The following ADGRG6 variants were observed in gnomAD, a reference collection of about 807,000 sequenced individuals.
The protein encoded by ADGRG6 is adhesion G protein-coupled receptor G6, also known as G-protein coupled receptor 126.
ADGRG6 carries 84 observed loss-of-function variants against 142.4 expected under a neutral mutation model. That is an observed-to-expected ratio of 0.59 (90% confidence interval 0.49 to 0.71). The LOEUF is 0.71. ADGRG6 is among the 30% of genes least tolerant of loss of function. The probability of loss-of-function intolerance (pLI) is 0.00; values close to 1 mark genes in which losing one functional copy is unlikely to be tolerated. For synonymous variants in ADGRG6, 521 were observed against 520.5 expected (o/e 1.00, Z -0.01); for missense variants, 1,367 against 1,466.6 (o/e 0.93, Z 1.11).
chr6:142,372,907 A>G (rs1467006077), intron 4 of ADGRG6, among the ~76,000 whole-genome samples: 1 of 152,188 alleles, frequency 6.6e-6, no homozygotes, highest in African/African-American at 2.4e-5. Flanking sequence ...TTTTTATGGG[A>G]CAATGTTTTG....
rs1338876928 is a variant in ADGRG6 at position 142,309,625 on chromosome 6, C to A, written c.84C>A (p.Ile28=). The change falls in exon 2 of 25, where the codon ATC becomes ATA. Residue 28 remains isoleucine, a synonymous_variant. Coordinates refer to ENST00000367609, the MANE Select transcript of ADGRG6 (RefSeq NM_198569.3). ...TCCTGTTCTTATTTGCTTTATATAT[C>A]ATGTGTGTTCCTCACTCAGGTAAGA... is the stretch of plus-strand genomic sequence containing the variant. ...SPLLFLFALY[I]MCVPHSVWGC... 6.3e-7 allele frequency: 1 copy of A among 1,599,590 alleles called. No individual in the cohort carries two copies. The highest frequency in any genetic ancestry group is 1.1e-5 in the South Asian group (1 of 88,968).
chr6:142,310,214 G>A (rs766423124), intron 2 of ADGRG6, among the ~76,000 whole-genome samples: 6 of 151,700 alleles, frequency 4.0e-5, no homozygotes, highest in African/African-American at 4.8e-5. Context: ...TTTGAAATAA[G>A]ATCTTGGTGG....
chr6:142,315,838 A>C (rs1011952789), intron 2 of ADGRG6, among the ~76,000 whole-genome samples: 11 of 138,298 alleles, frequency 8.0e-5, no homozygotes. Context: ...TAAATAAATA[A>C]ATAAATAAAT....
chr6:142,302,303 A>T lies in ADGRG6; in HGVS notation c.-27A>T. On this transcript the variant is annotated 5_prime_UTR_variant, in exon 1 of 25. The change creates a new upstream start codon in the 5' untranslated region. Coordinates refer to ENST00000367609, the MANE Select transcript of ADGRG6 (RefSeq NM_198569.3). ...TGGTGGAGGATGATCTTGCGGCCAAAGGGGACCTCGGCGCAGTAATGTCAA... is the reference window on the plus strand; with the variant it reads ...TGGTGGAGGATGATCTTGCGGCCAATGGGGACCTCGGCGCAGTAATGTCAA... 2 of 1,612,150 alleles carry T rather than the reference A, an allele frequency of 1.2e-6. No individual in the cohort carries two copies. Among genetic ancestry groups the T allele is most frequent in the Non-Finnish European group, 1.7e-6 (2 of 1,179,004 alleles).
At chr6:142,397,908 A>G (rs535036104) in intron 10 of ADGRG6, among the ~76,000 whole-genome samples, 153 bp downstream of exon 10, 197 of 132,104 alleles carry the variant, frequency 1.5e-3, no homozygotes, top group African/African-American at 6.9e-3. Flanking sequence ...GACATAGCAG[A>G]AAAAAAAAAT....
At chr6:142,358,874 G>C (rs1216835994) in intron 2 of ADGRG6, among the ~76,000 whole-genome samples, 1 of 151,620 alleles carries the variant, frequency 6.6e-6, no homozygotes, top group Non-Finnish European at 1.5e-5. Context: ...TGCAAGCCTG[G>C]GCGACGGAGT....
At chr6:142,373,849 G>GT (rs1240253872) in intron 4 of ADGRG6, among the ~76,000 whole-genome samples, 5 of 126,010 alleles carry the variant, frequency 4.0e-5, no homozygotes, top group Non-Finnish European at 8.5e-5. Flanking sequence ...CAGCACACAT[G>GT]TTTTTTTAAT....
intron 2 of ADGRG6, among the ~76,000 whole-genome samples, chr6:142,366,626 A>T (rs568867037): frequency 5.3e-5 from 8 of 152,136 alleles, no homozygotes; most frequent in African/African-American, 1.7e-4. Flanking sequence ...GTGGTGGTGC[A>T]CACCTGTAAT....
chr6:142,331,141 A>G (rs1779037530), intron 2 of ADGRG6, among the ~76,000 whole-genome samples: 1 of 151,940 alleles, frequency 6.6e-6, no homozygotes, highest in African/African-American at 2.4e-5. Flanking sequence ...GAGTTAAAAA[A>G]AAAAAAAACT....
intron 2 of ADGRG6, among the ~76,000 whole-genome samples, chr6:142,352,627 A>G (rs532999838): frequency 6.6e-6 from 1 of 152,182 alleles, no homozygotes; most frequent in Non-Finnish European, 1.5e-5. Flanking sequence ...AGAAAAAATT[A>G]TCTTGTAATA....
At chr6:142,346,256 A>C (rs1026941042) in intron 2 of ADGRG6, among the ~76,000 whole-genome samples, 1 of 152,028 alleles carries the variant, frequency 6.6e-6, no homozygotes, top group Non-Finnish European at 1.5e-5. Context: ...ACTAATTTAC[A>C]CTCCCACCAA....
At chr6:142,436,095 A>C (rs1327930965) in intron 22 of ADGRG6, among the ~76,000 whole-genome samples, 1 of 152,080 alleles carries the variant, frequency 6.6e-6, no homozygotes, top group South Asian at 2.1e-4. Flanking sequence ...CCTTTGAGCA[A>C]TATGTGTTGG....
chr6:142,368,634 T>C (rs551281333), intron 3 of ADGRG6, among the ~76,000 whole-genome samples: 2 of 152,194 alleles, frequency 1.3e-5, no homozygotes, highest in Admixed American at 6.5e-5. Flanking sequence ...TACTTTTTTT[T>C]CTTCTGAACT....
intron 7 of ADGRG6, 30 bp from the exon 8 acceptor site, chr6:142,392,918 A>G (rs1415634769): frequency 6.5e-7 from 1 of 1,533,836 alleles, no homozygotes. Context: ...GGTATTAGCA[A>G]AACTCAGCCT....
At chr6:142,413,198 TAA>T (rs1776179576) in intron 18 of ADGRG6, among the ~76,000 whole-genome samples, 1 of 150,646 alleles carries the variant, frequency 6.6e-6, no homozygotes, top group South Asian at 2.1e-4. Context: ...AAGACTTTGT[TAA>T]GAGTTTTTCT....
chr6:142,389,812 T>C (rs2114966666), intron 6 of ADGRG6, among the ~76,000 whole-genome samples: 1 of 151,918 alleles, frequency 6.6e-6, no homozygotes, highest in South Asian at 2.1e-4. Context: ...TGTATGCCTG[T>C]TCTGCTTTTT....
At chr6:142,359,628 A>G (rs990876868) in intron 2 of ADGRG6, among the ~76,000 whole-genome samples, 7 of 152,238 alleles carry the variant, frequency 4.6e-5, no homozygotes, top group African/African-American at 7.2e-5. Flanking sequence ...TATCAGAGCA[A>G]TTATCACATT....
At chr6:142,349,549 A>C (rs1037661406) in intron 2 of ADGRG6, among the ~76,000 whole-genome samples, 2 of 152,224 alleles carry the variant, frequency 1.3e-5, no homozygotes, top group Non-Finnish European at 2.9e-5. Flanking sequence ...GAAACTCAAC[A>C]GGGTACTGTC....
chr6:142,405,954 A>G (rs1583104473), intron 15 of ADGRG6, 126 bp downstream of exon 15: 3 of 607,072 alleles, frequency 4.9e-6, no homozygotes, highest in Non-Finnish European at 8.0e-6. Context: ...TGTTTTCAAA[A>G]CTGAAAATTT....
Sources: gnomAD v4.1 joint callset for allele counts (sites outside exome capture counted in the v4.1 genomes callset) on GRCh38, gnomAD v4.1.1 for gene constraint, MANE v1.5 for transcripts, NCBI Gene and HGNC (gene_info 2026-07-23, HGNC 2026-07-21) for gene names.